The following PRKG1 variants were observed in gnomAD, a reference collection of about 807,000 sequenced individuals.
PRKG1 encodes cGMP-dependent protein kinase 1.
PRKG1 carries 35 observed loss-of-function variants against 88.1 expected under a neutral mutation model. The observed-to-expected ratio is 0.40, with a 90% CI of 0.30 to 0.53. PRKG1 has a LOEUF of 0.53. PRKG1 is among the 20% of genes least tolerant of loss of function. The pLI is 0.59. For missense variants in PRKG1, 540 were observed against 839.8 expected, an observed-to-expected ratio of 0.64 and a Z score of 4.41; for synonymous variants, 303 against 292.5, an observed-to-expected ratio of 1.04 and a Z score of -0.37.
chr10:51,088,522 G>A (rs1214470602), intron 1 of PRKG1, among the ~76,000 whole-genome samples: 1 of 151,884 alleles, frequency 6.6e-6, no homozygotes, highest in Non-Finnish European at 1.5e-5. Context: ...GTGGTTGTAG[G>A]TTATATGCTA....
chr10:51,170,281 AT>A (rs1393221336), intron 2 of PRKG1, among the ~76,000 whole-genome samples: 1 of 152,082 alleles, frequency 6.6e-6, no homozygotes, highest in Non-Finnish European at 1.5e-5. Flanking sequence ...GTAAACAAAT[AT>A]TTATAGTGTG....
At chr10:51,046,948 G>A (rs1036902356) in intron 1 of PRKG1, among the ~76,000 whole-genome samples, 20 of 152,258 alleles carry the variant, frequency 1.3e-4, no homozygotes, top group Admixed American at 7.2e-4. Flanking sequence ...GGGATGAGTC[G>A]GGTGCTCAGA....
At chr10:51,284,865 CTTTT>C (rs5784867) in intron 2 of PRKG1, among the ~76,000 whole-genome samples, 599 of 51,656 alleles carry the variant, frequency 0.012, 4 homozygotes, top group African/African-American at 0.04. Flanking sequence ...GTTGTGGGTA[CTTTT>C]TTTTTTTTTT....
intron 7 of PRKG1, among the ~76,000 whole-genome samples, chr10:52,116,631 T>G (rs1377307321): frequency 6.6e-6 from 1 of 152,054 alleles, no homozygotes; most frequent in African/African-American, 2.4e-5. Context: ...TAAAGCAGTG[T>G]GACACTCATG....
chr10:51,397,997 T>C (rs1258321091), intron 2 of PRKG1, among the ~76,000 whole-genome samples: 1 of 152,198 alleles, frequency 6.6e-6, no homozygotes, highest in Admixed American at 6.5e-5. Context: ...AGCCCTTGAA[T>C]GTGTAATTAT....
intron 4 of PRKG1, among the ~76,000 whole-genome samples, chr10:51,843,662 G>A (rs1840334611): frequency 6.6e-6 from 1 of 152,130 alleles, no homozygotes; most frequent in African/African-American, 2.4e-5. Flanking sequence ...GTATTGCCTG[G>A]CTTTCAACAG....
rs531143712 is a variant in PRKG1, at chr10:51,415,991, C to A, written c.479-51732C>A. On this transcript the variant is annotated intron_variant, in intron 2 of 17. Transcript: ENST00000373980. Reference sequence around the variant, plus strand: ...CACGCACACATATACACAGGCACCACAAAGATTTCGTTGTCCTCAGAATTT... The same window carrying A: ...CACGCACACATATACACAGGCACCAAAAAGATTTCGTTGTCCTCAGAATTT... Among the ~76,000 whole-genome samples the A allele has an allele frequency of 1.1e-4, 17 of 151,902 alleles. No individual in the cohort carries two copies. The South Asian group carries it at 3.3e-3, about 30-fold the overall frequency.
chr10:51,426,336 C>A, intron 2 of PRKG1, among the ~76,000 whole-genome samples: 1 of 151,976 alleles, frequency 6.6e-6, no homozygotes, highest in Middle Eastern at 3.2e-3. Context: ...GGAGTCAGAC[C>A]TATACTGGGT....
chr10:52,163,967 C>T (rs11001036), intron 9 of PRKG1, among the ~76,000 whole-genome samples: 20,960 of 152,134 alleles, frequency 0.14, 1,792 homozygotes, highest in East Asian at 0.31. Context: ...TGAATATTAA[C>T]GCCTAACTCT....
intron 3 of PRKG1, among the ~76,000 whole-genome samples, chr10:51,565,735 T>C (rs2132157532): frequency 6.6e-6 from 1 of 152,192 alleles, no homozygotes; most frequent in Middle Eastern, 3.4e-3. Context: ...ATAGCCTCTG[T>C]TCAAATTAGA....
intron 1 of PRKG1, among the ~76,000 whole-genome samples, chr10:51,101,428 G>A (rs866995743): frequency 4.6e-5 from 7 of 152,070 alleles, no homozygotes; most frequent in South Asian, 2.1e-4. Flanking sequence ...TAAGCCAGTC[G>A]GTGTGTGGCA....
intron 3 of PRKG1, chr10:51,697,595 A>C (rs557534493): frequency 1.8e-6 from 2 of 1,111,756 alleles, no homozygotes; most frequent in East Asian, 4.8e-5. Context: ...AGGAGGAGGG[A>C]AACCCTAATC....
intron 3 of PRKG1, among the ~76,000 whole-genome samples, chr10:51,749,212 G>A (rs1564631917): frequency 6.6e-6 from 1 of 152,168 alleles, no homozygotes; most frequent in Non-Finnish European, 1.5e-5. Context: ...ATGAGAAAAT[G>A]CTTAAGTTTT....
chr10:51,155,681 G>A (rs1846189935), intron 2 of PRKG1, among the ~76,000 whole-genome samples: 1 of 152,060 alleles, frequency 6.6e-6, no homozygotes, highest in South Asian at 2.1e-4. Flanking sequence ...TGTGGAGGCT[G>A]GCAAGTCCAA....
chr10:51,030,946 C>T (rs889920130), intron 1 of PRKG1, among the ~76,000 whole-genome samples: 41 of 152,246 alleles, frequency 2.7e-4, no homozygotes, highest in Admixed American at 1.3e-3. Flanking sequence ...AATGGACTAA[C>T]AAAACTACCT....
At chr10:51,577,274 A>C (rs1367082349) in intron 3 of PRKG1, among the ~76,000 whole-genome samples, 1 of 152,012 alleles carries the variant, frequency 6.6e-6, no homozygotes, top group Non-Finnish European at 1.5e-5. Flanking sequence ...TGCCAACCTA[A>C]AAAAATGTAA....
At chr10:51,783,954 A>G (rs946632308) in intron 3 of PRKG1, among the ~76,000 whole-genome samples, 2 of 152,124 alleles carry the variant, frequency 1.3e-5, no homozygotes, top group South Asian at 2.1e-4. Context: ...AAAAGTGGCT[A>G]ATTCTTTGGA....
At chr10:51,405,645 A>G (rs2132675955) in intron 2 of PRKG1, among the ~76,000 whole-genome samples, 1 of 152,284 alleles carries the variant, frequency 6.6e-6, no homozygotes, top group South Asian at 2.1e-4. Flanking sequence ...CTAGGATCCA[A>G]ATATTTGGCT....
chr10:51,426,646 A>G (rs1838594048), intron 2 of PRKG1, among the ~76,000 whole-genome samples: 1 of 152,124 alleles, frequency 6.6e-6, no homozygotes, highest in African/African-American at 2.4e-5. Flanking sequence ...GATGCAGAAT[A>G]CCCTGAATTC....
Sources: allele counts gnomAD v4.1 joint callset (sites outside exome capture counted in the v4.1 genomes callset), GRCh38; gene constraint gnomAD v4.1.1; transcripts MANE v1.5; gene names NCBI Gene and HGNC (gene_info 2026-07-23, HGNC 2026-07-21).